The following OR2C3 variants were observed in gnomAD, a reference collection of about 807,000 sequenced individuals.
OR2C3 encodes the protein olfactory receptor family 2 subfamily C member 3, also known as olfactory receptor 2C3.
For synonymous variants in OR2C3, 178 were observed against 163.4 expected, an observed-to-expected ratio of 1.09 and a Z score of -0.68; for missense variants, 425 against 401.5, an observed-to-expected ratio of 1.06 and a Z score of -0.50.
At position 247,532,418 on chromosome 1, in the gene OR2C3, C is replaced by CTT; in HGVS notation, c.93_94insAA (p.Val32LysfsTer3). On this transcript the variant is annotated frameshift_variant, in exon 3 of 3. Coordinates refer to ENST00000641802, the MANE Select transcript of OR2C3 (RefSeq NM_198074.6). LOFTEE classifies it low-confidence loss of function (END_TRUNC). ...ATCGATACCATGTAAAAACTCAAGA[C>CTT]AACTATGAAGAGGACAGTTTCTAGT... is the stretch of plus-strand genomic sequence containing the variant. 1 of 1,614,080 alleles carries CTT rather than the reference C, an allele frequency of 6.2e-7. No homozygotes were observed. The highest frequency in any genetic ancestry group is 1.1e-5 in the South Asian group (1 of 91,054).
chr1:247,531,841 C>T lies in OR2C3; in HGVS notation c.671G>A (p.Arg224Gln), dbSNP rs146068024. The change falls in exon 3 of 3, where the codon CGG becomes CAG. Residue 224 changes from arginine to glutamine, a missense_variant. By Grantham distance (43) the Arg-to-Gln change is conservative. Transcript: ENST00000641802. ...TGCTGACCTGATCTTCAACACGGCCCGGGCAATGTGGCCGTAAGAGACCAG... is the reference window on the plus strand; with the variant it reads ...TGCTGACCTGATCTTCAACACGGCCTGGGCAATGTGGCCGTAAGAGACCAG... ...LILVSYGHIA[R>Q]AVLKIRSAEG... 2.8e-4 allele frequency: 458 copies of T among 1,614,130 alleles called. No individual in the cohort carries two copies. The highest frequency in any genetic ancestry group is 2.7e-3 in the African/African-American group (202 of 75,012).
Position 247,532,178 on chromosome 1 carries a change from C to A in OR2C3, c.334G>T (p.Glu112Ter). Reference protein sequence around the residue: ...FYISHWLGATECVLLATMSYD... With the variant: ...FYISHWLGAT Reference sequence around the variant, plus strand: ...GACATGGTGGCCAGCAGGACACACTCGGTTGCCCCCAGCCAATGGGAGATA... The same window carrying A: ...GACATGGTGGCCAGCAGGACACACTAGGTTGCCCCCAGCCAATGGGAGATA... Residue 112 changes from glutamate to a stop codon, truncating the protein, a stop_gained, in exon 3 of 3, where the codon GAG becomes TAG. Coordinates refer to ENST00000641802, the MANE Select transcript of OR2C3 (RefSeq NM_198074.6). LOFTEE classifies it low-confidence loss of function (END_TRUNC). 6.2e-7 allele frequency: 1 copy of A among 1,614,070 alleles called. No homozygotes were observed. Among genetic ancestry groups the A allele is most frequent in the East Asian group, 2.2e-5 (1 of 44,876 alleles).
intron 1 of OR2C3, among the ~76,000 whole-genome samples, chr1:247,534,235 C>T (rs1356853920): frequency 1.3e-5 from 2 of 152,090 alleles, no homozygotes; most frequent in African/African-American, 4.8e-5. Flanking sequence ...TCCATGGAGC[C>T]ATAGTTTTAT....
chr1:247,532,437 T>G lies in OR2C3; in HGVS notation c.75A>C (p.Glu25Asp), dbSNP rs757013130. 1 of 1,614,050 alleles carries G rather than the reference T, an allele frequency of 6.2e-7. No homozygotes were observed. Among genetic ancestry groups the G allele is most frequent in the Middle Eastern group, 1.6e-4 (1 of 6,062 alleles). ...TCAAGACAACTATGAAGAGGACAGT[T>G]TCTAGTGAGGGTCGTGTGGAGAAGC... The part of the protein sequence containing the change: ...LLGFSTRPSL[E>D]TVLFIVVLSF... Residue 25 changes from glutamate to aspartate, a missense_variant, in exon 3 of 3, where the codon GAA becomes GAC. Physicochemically the swap from Glu to Asp is conservative, Grantham distance 45. Transcript: ENST00000641802.
At position 247,524,733 on chromosome 1, in the gene OR2C3, C is replaced by T. The variant is rs1195485261; in HGVS notation, c.*6816G>A. ...CATATAACATTTAAAACTTTTGTAC[C>T]ACAAAGGAAACAAACAAAACATAGC... On this transcript the variant is annotated 3_prime_UTR_variant, in exon 3 of 3. Coordinates refer to ENST00000641802, the MANE Select transcript of OR2C3 (RefSeq NM_198074.6). 1 of 150,714 alleles carries T rather than the reference C, an allele frequency of 6.6e-6. No individual in the cohort carries two copies. The highest frequency in any genetic ancestry group is 6.6e-5 in the Admixed American group (1 of 15,254). 9.3% of individuals were successfully genotyped at this position (150,714 alleles called of 1,614,324 possible). A position where few individuals can be genotyped will look rare whatever the true frequency, so the allele number is the denominator to read the frequency against.
rs1245053686 is a variant in OR2C3 at position 247,528,526 on chromosome 1, G to A, written c.*3023C>T. ...TAGCCAACTGTTAAAGAAGGAAAAA[G>A]CATGGGCCAGTTTACAAATGAATCT... On this transcript the variant is annotated 3_prime_UTR_variant, in exon 3 of 3. Coordinates refer to ENST00000641802, the MANE Select transcript of OR2C3 (RefSeq NM_198074.6). 1 of 152,192 alleles carries A rather than the reference G, an allele frequency of 6.6e-6. No individual in the cohort carries two copies. Among genetic ancestry groups the A allele is most frequent in the East Asian group, 1.9e-4 (1 of 5,188 alleles). 9.4% of individuals were successfully genotyped at this position (152,192 alleles called of 1,614,324 possible).
Position 247,531,531 on chromosome 1 carries a change from C to T in OR2C3, c.*18G>A. On this transcript the variant is annotated 3_prime_UTR_variant, in exon 3 of 3. Transcript: ENST00000641802. ...TCGATGTAAACTTGATCTTCCTTCTCAGAAGGCACTGGAGTCTCTAAATTT... is the reference window on the plus strand; with the variant it reads ...TCGATGTAAACTTGATCTTCCTTCTTAGAAGGCACTGGAGTCTCTAAATTT... 6.2e-7 allele frequency: 1 copy of T among 1,605,278 alleles called. No individual in the cohort carries two copies. Among genetic ancestry groups the T allele is most frequent in the Non-Finnish European group, 8.5e-7 (1 of 1,174,650 alleles).
In OR2C3 at chr1:247,527,764, T is replaced by A. The variant is rs1666741350; in HGVS notation, c.*3785A>T. The A allele has an allele frequency of 6.6e-6, 1 of 152,218 alleles. No individual in the cohort carries two copies. Among genetic ancestry groups the A allele is most frequent in the Admixed American group, 6.5e-5 (1 of 15,276 alleles). The allele number at this position is 152,218 out of a possible 1,614,324, so 9.4% of individuals were successfully genotyped here. A position where few individuals can be genotyped will look rare whatever the true frequency, so the allele number is the denominator to read the frequency against. Reference sequence around the variant, plus strand: ...TGCTGGGAACATTCAATATCCTCCTTCTAGCTGTTTGAAAATACAGAATAT... The same window carrying A: ...TGCTGGGAACATTCAATATCCTCCTACTAGCTGTTTGAAAATACAGAATAT... On this transcript the variant is annotated 3_prime_UTR_variant, in exon 3 of 3. Coordinates refer to ENST00000641802, the MANE Select transcript of OR2C3 (RefSeq NM_198074.6). The surrounding 1 kb of genome is among the most constrained non-coding windows in gnomAD (Gnocchi z 4.6).
At position 247,530,516 on chromosome 1, in the gene OR2C3, A is replaced by ACCCC. The variant is rs753278779; in HGVS notation, c.*1032_*1033insGGGG. 4.9e-4 allele frequency: 29 copies of ACCCC among 58,606 alleles called. 1 individual carries two copies. Among genetic ancestry groups the ACCCC allele is most frequent in the South Asian group, 1.3e-3 (1 of 746 alleles). 3.6% of individuals were successfully genotyped at this position (58,606 alleles called of 1,614,324 possible). ...TGAACCAGTCCACAAACACCATGCC[A>ACCCC]TCCCCCCCCCACAAAATAACATTTC... On this transcript the variant is annotated 3_prime_UTR_variant, in exon 3 of 3. Coordinates refer to ENST00000641802, the MANE Select transcript of OR2C3 (RefSeq NM_198074.6).
rs1056750097 is a variant in OR2C3 at position 247,525,812 on chromosome 1, C to T, written c.*5737G>A. 6.6e-6 allele frequency: 1 copy of T among 152,216 alleles called. No individual in the cohort carries two copies. The highest frequency in any genetic ancestry group is 1.5e-5 in the Non-Finnish European group (1 of 68,048). 9.4% of individuals were successfully genotyped at this position (152,216 alleles called of 1,614,324 possible). A position where few individuals can be genotyped will look rare whatever the true frequency, so the allele number is the denominator to read the frequency against. On this transcript the variant is annotated 3_prime_UTR_variant, in exon 3 of 3. Coordinates refer to ENST00000641802, the MANE Select transcript of OR2C3 (RefSeq NM_198074.6). ...CTTAATTCTCTAATTCTGCCTTGGT[C>T]TTTCAGGTGCCCAGCTCCCATCCTG... is the stretch of plus-strand genomic sequence containing the variant.
At position 247,531,880 on chromosome 1, in the gene OR2C3, G is replaced by T. The variant is rs1666981654; in HGVS notation, c.632C>A (p.Pro211His). 6.2e-7 allele frequency: 1 copy of T among 1,614,102 alleles called. No individual in the cohort carries two copies. The highest frequency in any genetic ancestry group is 1.7e-5 in the Admixed American group (1 of 60,008). The change falls in exon 3 of 3, where the codon CCT becomes CAT. Residue 211 changes from proline (P) to histidine (H), a missense_variant. By Grantham distance (77) the Pro-to-His change is moderately conservative (BLOSUM62 -2). Coordinates refer to ENST00000641802, the MANE Select transcript of OR2C3 (RefSeq NM_198074.6). ...GTAAGAGACCAGGATGAGCCCCAGA[G>T]GCAGGACAACAAAGACAAAGCTGGC... ...YLASFVFVVLPLGLILVSYGH... is the reference protein window; with the variant it reads ...YLASFVFVVLHLGLILVSYGH...
rs1425965887 is a variant in OR2C3 at position 247,532,368 on chromosome 1, C to T, written c.144G>A (p.Leu48=). 1.2e-6 allele frequency: 2 copies of T among 1,614,034 alleles called. No individual in the cohort carries two copies. Among genetic ancestry groups the T allele is most frequent in the South Asian group, 1.1e-5 (1 of 91,076 alleles). The change falls in exon 3 of 3, where the codon CTG becomes CTA. Residue 48 remains leucine (L), a synonymous_variant. Coordinates refer to ENST00000641802, the MANE Select transcript of OR2C3 (RefSeq NM_198074.6). ...GGAGGTGCACATCTGTATGGGAGACCAGAATGATGATGCCATTGCCCAAGA... is the reference window on the plus strand; with the variant it reads ...GGAGGTGCACATCTGTATGGGAGACTAGAATGATGATGCCATTGCCCAAGA... The part of the protein sequence containing the change: ...VSILGNGIII[L]VSHTDVHLHT...
chr1:247,526,819 C>T lies in OR2C3; in HGVS notation c.*4730G>A, dbSNP rs186196184. On this transcript the variant is annotated 3_prime_UTR_variant, in exon 3 of 3. Coordinates refer to ENST00000641802, the MANE Select transcript of OR2C3 (RefSeq NM_198074.6). This position sits in a 1 kb window ranked among gnomAD's most constrained non-coding sequence, Gnocchi z 4.8. ...ATTCGGCTGAAAAGGGACCTGGCAT[C>T]GAAAGACAAGTGGTGTCCAATATGG... 8 of 363,006 alleles carry T rather than the reference C, an allele frequency of 2.2e-5. No homozygotes were observed. Among genetic ancestry groups the T allele is most frequent in the African/African-American group, 6.4e-5 (3 of 46,758 alleles). The allele number at this position is 363,006 out of a possible 1,614,324, so 22.5% of individuals were successfully genotyped here. A position where few individuals can be genotyped will look rare whatever the true frequency, so the allele number is the denominator to read the frequency against.
rs751408412 is a variant in OR2C3 at position 247,531,703 on chromosome 1, T to G, written c.809A>C (p.Glu270Ala). 1 of 1,614,174 alleles carries G rather than the reference T, an allele frequency of 6.2e-7. No individual in the cohort carries two copies. Among genetic ancestry groups the G allele is most frequent in the East Asian group, 2.2e-5 (1 of 44,872 alleles). Residue 270 changes from glutamate (E) to alanine (A), a missense_variant, in exon 3 of 3, where the codon GAG becomes GCG. Transcript: ENST00000641802. Reference sequence around the variant, plus strand: ...GAACAGAGCTATGAACTTGCCCTGCTCATGGGAGGTGCTCTTGGCTGGCTG... The same window carrying G: ...GAACAGAGCTATGAACTTGCCCTGCGCATGGGAGGTGCTCTTGGCTGGCTG... The part of the protein sequence containing the change: ...YLQPAKSTSH[E>A]QGKFIALFYT...
intron 2 of OR2C3, among the ~76,000 whole-genome samples, chr1:247,532,970 G>A (rs936481062): frequency 3.3e-5 from 5 of 152,084 alleles, no homozygotes; most frequent in Admixed American, 2.0e-4. Flanking sequence ...ACATCTATAT[G>A]CAACCTAAAT....
At position 247,532,313 on chromosome 1, in the gene OR2C3, G is replaced by A. The variant is rs150839400; in HGVS notation, c.199C>T (p.Leu67Phe). The A allele has an allele frequency of 6.2e-7, 1 of 1,614,076 alleles. No homozygotes were observed. Among genetic ancestry groups the A allele is most frequent in the Admixed American group, 1.7e-5 (1 of 60,010 alleles). ...HTPMYFFLAN[L>F]PFLDMSFTTS... ...GTGAAGCTCATGTCCAGGAAGGGGA[G>A]GTTGGCAAGAAAGAAGTACATAGGT... Residue 67 changes from leucine to phenylalanine, a missense_variant, in exon 3 of 3, where the codon CTC becomes TTC. Leu to Phe is a conservative substitution (Grantham distance 22, BLOSUM62 0). Coordinates refer to ENST00000641802, the MANE Select transcript of OR2C3 (RefSeq NM_198074.6).
intron 2 of OR2C3, among the ~76,000 whole-genome samples, chr1:247,533,225 C>T (rs1418674860): frequency 6.6e-6 from 1 of 152,136 alleles, no homozygotes; most frequent in Non-Finnish European, 1.5e-5. Context: ...CTCCTTTGCT[C>T]CCCTTCCAAG....
At position 247,530,519 on chromosome 1, in the gene OR2C3, C is replaced by CG. The variant is rs1553302937; in HGVS notation, c.*1029_*1030insC. ...ACCAGTCCACAAACACCATGCCATC[C>CG]CCCCCCCACAAAATAACATTTCCTA... On this transcript the variant is annotated 3_prime_UTR_variant, in exon 3 of 3. Transcript: ENST00000641802. 1 of 138,124 alleles carries CG rather than the reference C, an allele frequency of 7.2e-6. No individual in the cohort carries two copies. Among genetic ancestry groups the CG allele is most frequent in the East Asian group, 2.2e-4 (1 of 4,504 alleles). 8.6% of individuals were successfully genotyped at this position (138,124 alleles called of 1,614,324 possible).
Position 247,532,444 on chromosome 1 carries a change from G to A in OR2C3, c.68C>T (p.Ser23Leu), listed in dbSNP as rs971757347. The A allele has an allele frequency of 1.2e-6, 2 of 1,613,826 alleles. No individual in the cohort carries two copies. The highest frequency in any genetic ancestry group is 1.7e-6 in the Non-Finnish European group (2 of 1,179,844). Residue 23 changes from serine to leucine, a missense_variant, in exon 3 of 3, where the codon TCA (serine) becomes TTA (leucine). By Grantham distance (145) the Ser-to-Leu change is moderately radical. Transcript: ENST00000641802. Reference protein sequence around the residue: ...FVLLGFSTRPSLETVLFIVVL... With the variant: ...FVLLGFSTRPLLETVLFIVVL... ...AACTATGAAGAGGACAGTTTCTAGT[G>A]AGGGTCGTGTGGAGAAGCCCAGGAG...
Sources: gnomAD v4.1 joint callset for allele counts (sites outside exome capture counted in the v4.1 genomes callset) on GRCh38, gnomAD v4.1.1 for gene constraint, Gnocchi (gnomAD v3.1) non-coding constraint, MANE v1.5 for transcripts, NCBI Gene and HGNC (gene_info 2026-07-23, HGNC 2026-07-21) for gene names.